The following NTM variants were observed in gnomAD, a reference collection of about 807,000 sequenced individuals.
NTM encodes the protein neurotrimin.
A neutral mutation model predicts 42.1 loss-of-function variants in NTM; 13 were observed. The ratio of observed to expected loss-of-function variants is 0.31; its 90% CI spans 0.20 to 0.49. The LOEUF (loss-of-function observed/expected upper bound fraction) is 0.49, where lower values mean the gene tolerates loss of function less well. Ranked by LOEUF, NTM falls within the 20% of genes least tolerant of loss-of-function variation. The pLI, the probability that NTM is intolerant of heterozygous loss-of-function variation, is 0.99. For missense variants in NTM, 373 were observed against 452.8 expected, an observed-to-expected ratio of 0.82 and a Z score of 1.60; for synonymous variants, 187 against 179.2, an observed-to-expected ratio of 1.04 and a Z score of -0.35.
At chr11:132,069,023 C>A (rs2056951903) in intron 2 of NTM, among the ~76,000 whole-genome samples, 1 of 152,262 alleles carries the variant, frequency 6.6e-6, no homozygotes. Context: ...CTGGGCATTG[C>A]AGCCTAGCCA....
intron 1 of NTM, among the ~76,000 whole-genome samples, chr11:131,855,652 T>C (rs768156448): frequency 6.6e-6 from 1 of 152,236 alleles, no homozygotes; most frequent in Non-Finnish European, 1.5e-5. Context: ...CTTAAATCAA[T>C]GCCTTTTAAC....
At chr11:131,390,798 C>A (rs1943907208) in intron 1 of NTM, among the ~76,000 whole-genome samples, 1 of 152,120 alleles carries the variant, frequency 6.6e-6, no homozygotes, top group Non-Finnish European at 1.5e-5. Flanking sequence ...CCCCAGAGAG[C>A]CCTCTGACTC....
chr11:131,798,867 C>A (rs1180929824), intron 1 of NTM, among the ~76,000 whole-genome samples: 5 of 152,170 alleles, frequency 3.3e-5, no homozygotes, highest in Admixed American at 2.6e-4. Flanking sequence ...ATGGTAACGC[C>A]CAGTGAACTT....
At chr11:131,509,384 T>G (rs987793178) in intron 1 of NTM, among the ~76,000 whole-genome samples, 3 of 152,212 alleles carry the variant, frequency 2.0e-5, no homozygotes, top group Non-Finnish European at 4.4e-5. Flanking sequence ...TGGTTTTGCA[T>G]TTCTTTTCCT....
chr11:131,861,966 C>A (rs1279089903), intron 1 of NTM, among the ~76,000 whole-genome samples: 1 of 152,136 alleles, frequency 6.6e-6, no homozygotes, highest in African/African-American at 2.4e-5. Flanking sequence ...ACTGTTAAAC[C>A]CCAGGGGAGG....
intron 3 of NTM, among the ~76,000 whole-genome samples, chr11:132,162,587 GTGTT>G (rs1368986588): frequency 5.4e-5 from 8 of 148,576 alleles, no homozygotes; most frequent in Non-Finnish European, 1.2e-4. Context: ...GTGTGTGTGT[GTGTT>G]TGTGGGGCAT....
intron 1 of NTM, among the ~76,000 whole-genome samples, chr11:131,689,294 G>A (rs991250569): frequency 6.6e-6 from 1 of 152,174 alleles, no homozygotes; most frequent in Non-Finnish European, 1.5e-5. Flanking sequence ...GCCCTGCCTT[G>A]CCTCCCCACC....
At chr11:131,965,762 A>C (rs2062757386) in intron 2 of NTM, among the ~76,000 whole-genome samples, 1 of 152,292 alleles carries the variant, frequency 6.6e-6, no homozygotes, top group Middle Eastern at 3.4e-3. Context: ...TTACAAAGGC[A>C]CTGGAGAAAA....
intron 1 of NTM, among the ~76,000 whole-genome samples, chr11:131,391,320 C>T (rs1470204671): frequency 6.6e-6 from 1 of 152,118 alleles, no homozygotes; most frequent in Non-Finnish European, 1.5e-5. Context: ...CTACACAAAG[C>T]AACTACCAGC....
intron 1 of NTM, among the ~76,000 whole-genome samples, chr11:131,679,100 C>T (rs767792849): frequency 6.6e-6 from 1 of 152,194 alleles, no homozygotes; most frequent in East Asian, 1.9e-4. Flanking sequence ...CCACTCAGGG[C>T]TGGAATCCCC....
At chr11:131,746,721 G>A (rs981673303) in intron 1 of NTM, among the ~76,000 whole-genome samples, 2 of 152,058 alleles carry the variant, frequency 1.3e-5, no homozygotes, top group Non-Finnish European at 2.9e-5. Context: ...ATGGGACATT[G>A]CTATTTTTTT....
intron 1 of NTM, among the ~76,000 whole-genome samples, chr11:131,785,682 A>G (rs1293144677): frequency 6.6e-6 from 1 of 152,222 alleles, no homozygotes; most frequent in Non-Finnish European, 1.5e-5. Flanking sequence ...CTTGTACCCA[A>G]GACTGCAGAG....
intron 1 of NTM, among the ~76,000 whole-genome samples, chr11:131,470,810 A>G (rs1952364664): frequency 6.6e-6 from 1 of 152,178 alleles, no homozygotes; most frequent in African/African-American, 2.4e-5. Context: ...CCTGAACTTA[A>G]AAGGGAAAGC....
intron 1 of NTM, among the ~76,000 whole-genome samples, chr11:131,569,058 G>A (rs2057180982): frequency 6.6e-6 from 1 of 152,032 alleles, no homozygotes; most frequent in African/African-American, 2.4e-5. Context: ...GAATTCCTTA[G>A]GCATCTACTC....
At chr11:131,826,448 C>T (rs2042137432) in intron 1 of NTM, among the ~76,000 whole-genome samples, 1 of 151,924 alleles carries the variant, frequency 6.6e-6, no homozygotes, top group African/African-American at 2.4e-5. Context: ...CGTCTCTAGA[C>T]TCTGAAGCAG....
chr11:132,278,651 G>A (rs748212512), intron 4 of NTM, among the ~76,000 whole-genome samples: 5 of 152,040 alleles, frequency 3.3e-5, no homozygotes, highest in Non-Finnish European at 5.9e-5. Context: ...ACACCATCCA[G>A]AGATCTTTGG....
intron 1 of NTM, among the ~76,000 whole-genome samples, chr11:131,597,667 A>G (rs894092357): frequency 1.1e-4 from 17 of 152,174 alleles, no homozygotes; most frequent in Admixed American, 2.6e-4. Flanking sequence ...TCTCCACAGA[A>G]ATCACCCCTT....
chr11:132,141,172 A>G (rs1306205334), intron 2 of NTM: 1 of 152,094 alleles, frequency 6.6e-6, no homozygotes, highest in African/African-American at 2.4e-5. Context: ...GATTCCAAGC[A>G]GACACTTTTG....
At chr11:131,518,573 G>A (rs1300253903) in intron 1 of NTM, among the ~76,000 whole-genome samples, 1 of 152,150 alleles carries the variant, frequency 6.6e-6, no homozygotes, top group Admixed American at 6.5e-5. Flanking sequence ...CTACACCATT[G>A]GGGAGGAATT....
Sources: allele counts gnomAD v4.1 joint callset (sites outside exome capture counted in the v4.1 genomes callset), GRCh38; gene constraint gnomAD v4.1.1; transcripts MANE v1.5; gene names NCBI Gene and HGNC (gene_info 2026-07-23, HGNC 2026-07-21).